The following CBLB variants were observed in gnomAD, a reference collection of about 807,000 sequenced individuals.
CBLB encodes E3 ubiquitin-protein ligase CBL-B.
Under a neutral mutation model 104.9 loss-of-function variants are expected in CBLB, and 31 were observed. That is an observed-to-expected ratio of 0.30 (90% CI 0.22 to 0.40). The LOEUF (loss-of-function observed/expected upper bound fraction) is 0.40, where lower values mean the gene tolerates loss of function less well. CBLB is among the 10% of genes least tolerant of loss of function. The pLI, the probability that CBLB is intolerant of heterozygous loss-of-function variation, is 1.00. For synonymous variants in CBLB, 440 were observed against 422.6 expected (o/e 1.04, Z -0.51); for missense variants, 1,062 against 1,214.6 (o/e 0.87, Z 1.87).
chr3:105,763,253 G>A (rs2077842096), intron 4 of CBLB, among the ~76,000 whole-genome samples: 1 of 152,148 alleles, frequency 6.6e-6, no homozygotes, highest in Non-Finnish European at 1.5e-5. Context: ...GTGGACTTTT[G>A]AGTTAATGCT....
At chr3:105,824,357 T>C (rs183116003) in intron 3 of CBLB, 31 of 152,272 alleles carry the variant, frequency 2.0e-4, no homozygotes, top group African/African-American at 7.2e-4. Flanking sequence ...AGTCAAATCT[T>C]AAACACCTTC....
At chr3:105,683,745 C>T (rs114021520) in intron 14 of CBLB, among the ~76,000 whole-genome samples, 4,699 of 152,242 alleles carry the variant, frequency 0.031, 101 homozygotes, top group Middle Eastern at 0.051. Flanking sequence ...AAAATTAGCT[C>T]CTCGTTATTT....
intron 3 of CBLB, among the ~76,000 whole-genome samples, chr3:105,777,596 G>A (rs1399267608): frequency 6.6e-6 from 1 of 152,154 alleles, no homozygotes. Context: ...ACTTCAGCAT[G>A]GGTAACAGGG....
intron 2 of CBLB, among the ~76,000 whole-genome samples, chr3:105,859,708 T>C (rs917066496): frequency 6.6e-6 from 1 of 150,846 alleles, no homozygotes; most frequent in Admixed American, 6.6e-5. Context: ...CTCCTATAAA[T>C]GTTAGAAGAG....
intron 10 of CBLB, among the ~76,000 whole-genome samples, chr3:105,715,102 T>C (rs1166913312): frequency 6.6e-6 from 1 of 152,214 alleles, no homozygotes; most frequent in Non-Finnish European, 1.5e-5. Context: ...AAGATTCCTC[T>C]TAATCCTCTG....
At chr3:105,772,667 C>T (rs867143486) in intron 4 of CBLB, among the ~76,000 whole-genome samples, 17 of 151,914 alleles carry the variant, frequency 1.1e-4, no homozygotes, top group African/African-American at 4.1e-4. Flanking sequence ...AACAAATCAG[C>T]AAGAAGAAAA....
chr3:105,738,792 C>G (rs945959919), intron 7 of CBLB, among the ~76,000 whole-genome samples: 2 of 151,550 alleles, frequency 1.3e-5, no homozygotes, highest in African/African-American at 2.4e-5. Context: ...TATAAATAAC[C>G]GACACTAGCA....
chr3:105,763,827 T>C (rs894450729), intron 4 of CBLB, among the ~76,000 whole-genome samples: 17 of 152,198 alleles, frequency 1.1e-4, no homozygotes, highest in Middle Eastern at 3.2e-3. Flanking sequence ...AGATACTGGG[T>C]TTCTGTCAAA....
chr3:105,687,508 C>A (rs1036261143), intron 13 of CBLB, among the ~76,000 whole-genome samples: 2 of 151,858 alleles, frequency 1.3e-5, no homozygotes, highest in African/African-American at 4.8e-5. Flanking sequence ...AGGCTTATTG[C>A]TAAAACTTAC....
intron 4 of CBLB, among the ~76,000 whole-genome samples, chr3:105,776,184 T>C (rs1024804327): frequency 6.6e-6 from 1 of 152,236 alleles, no homozygotes; most frequent in Non-Finnish European, 1.5e-5. Context: ...AATAACATTG[T>C]ATAATATTTA....
At chr3:105,868,150 A>T in intron 1 of CBLB, 11 of 1,158,416 alleles carry the variant, frequency 9.5e-6, no homozygotes, top group Non-Finnish European at 1.2e-5. Flanking sequence ...AAAACCACCA[A>T]GTACGGACAC....
chr3:105,694,180 C>T (rs932973710), intron 12 of CBLB, among the ~76,000 whole-genome samples: 2 of 151,964 alleles, frequency 1.3e-5, no homozygotes, highest in African/African-American at 4.8e-5. Flanking sequence ...AGTTTGTGAA[C>T]ACACAAACCA....
intron 3 of CBLB, among the ~76,000 whole-genome samples, chr3:105,845,018 T>C (rs1226207085): frequency 6.6e-6 from 1 of 152,160 alleles, no homozygotes; most frequent in Non-Finnish European, 1.5e-5. Context: ...CATTCTTTCT[T>C]GAGTGCTTCT....
intron 3 of CBLB, among the ~76,000 whole-genome samples, chr3:105,794,495 TG>T (rs1462116728): frequency 6.6e-6 from 1 of 152,240 alleles, no homozygotes; most frequent in Non-Finnish European, 1.5e-5. Context: ...ATTGTACAGA[TG>T]GAAGTCACCT....
intron 3 of CBLB, among the ~76,000 whole-genome samples, chr3:105,800,909 C>T (rs1024935406): frequency 6.6e-6 from 1 of 151,890 alleles, no homozygotes; most frequent in African/African-American, 2.4e-5. Flanking sequence ...TATGACAGTA[C>T]AATGCACACT....
At position 105,863,697 on chromosome 3, in the gene CBLB, T is replaced by C. The variant is rs541822593; in HGVS notation, c.168+3713A>G. ...TAAATTATATTTCAAGCTTGAAAAA[T>C]GTACTAAATAGACTGAGGGCAAAAG... On this transcript the variant is annotated intron_variant, in intron 2 of 18. Coordinates refer to ENST00000394030, the MANE Select transcript of CBLB (RefSeq NM_170662.5). Among the ~76,000 whole-genome samples, 6 of 152,252 alleles carry C rather than the reference T, an allele frequency of 3.9e-5. No individual in the cohort carries two copies. In the South Asian group the frequency reaches 1.2e-3, roughly 32 times the overall value.
intron 5 of CBLB, among the ~76,000 whole-genome samples, chr3:105,749,094 T>A (rs1014563208): frequency 3.3e-5 from 5 of 152,178 alleles, no homozygotes; most frequent in Non-Finnish European, 5.9e-5. Context: ...ATTTTTAAAG[T>A]TTTATAAAAA....
intron 7 of CBLB, among the ~76,000 whole-genome samples, chr3:105,740,189 TAATA>T (rs1231019585): frequency 6.6e-6 from 1 of 152,232 alleles, no homozygotes; most frequent in Non-Finnish European, 1.5e-5. Flanking sequence ...AATTTTCTCT[TAATA>T]TATAAACAGT....
At chr3:105,855,583 G>A (rs191495738) in intron 2 of CBLB, among the ~76,000 whole-genome samples, 4 of 152,244 alleles carry the variant, frequency 2.6e-5, no homozygotes, top group African/African-American at 7.2e-5. Context: ...AGAAATACCT[G>A]AGGTGCCCAC....
Sources: gnomAD v4.1 joint callset for allele counts (sites outside exome capture counted in the v4.1 genomes callset) on GRCh38, gnomAD v4.1.1 for gene constraint, MANE v1.5 for transcripts, NCBI Gene and HGNC (gene_info 2026-07-23, HGNC 2026-07-21) for gene names.